The following UCK2 variants were observed in gnomAD, a reference collection of about 807,000 sequenced individuals.
UCK2 encodes the protein uridine-cytidine kinase 2.
A neutral mutation model predicts 30.8 loss-of-function variants in UCK2; 6 were observed. That is an observed-to-expected ratio of 0.19 (90% confidence interval 0.11 to 0.38). UCK2 has a LOEUF of 0.38. UCK2 is among the 10% of genes least tolerant of loss of function. The pLI, the probability that UCK2 is intolerant of heterozygous loss-of-function variation, is 1.00. For synonymous variants in UCK2, 125 were observed against 133.6 expected (o/e 0.94, Z 0.45); for missense variants, 210 against 339.8 (o/e 0.62, Z 3.00).
At chr1:165,854,547 C>T (rs1654679676) in intron 1 of UCK2, among the ~76,000 whole-genome samples, 1 of 151,870 alleles carries the variant, frequency 6.6e-6, no homozygotes, top group South Asian at 2.1e-4. Flanking sequence ...CAGCCCCCAG[C>T]CCTGTCTTCT....
At chr1:165,842,583 A>G (rs1654356891) in intron 1 of UCK2, among the ~76,000 whole-genome samples, 2 of 152,068 alleles carry the variant, frequency 1.3e-5, no homozygotes, top group South Asian at 4.1e-4. Flanking sequence ...TGCTTTCTGA[A>G]TTTCTCTTGA....
chr1:165,865,287 T>A (rs1422804262), intron 1 of UCK2, among the ~76,000 whole-genome samples: 1 of 152,204 alleles, frequency 6.6e-6, no homozygotes, highest in East Asian at 1.9e-4. Flanking sequence ...GCTAGACATT[T>A]GTTATACTCC....
At chr1:165,907,651 A>C (rs1361324969) in intron 6 of UCK2, 33 bp from the exon 7 acceptor site, 1 of 1,610,370 alleles carries the variant, frequency 6.2e-7, no homozygotes, top group South Asian at 1.1e-5. Context: ...CCATGCCTGC[A>C]CCCGTAACGC....
chr1:165,841,135 A>G (rs1257650395), intron 1 of UCK2, among the ~76,000 whole-genome samples: 1 of 150,492 alleles, frequency 6.6e-6, no homozygotes, highest in East Asian at 1.9e-4. Flanking sequence ...ATATATATAA[A>G]ATGAATATAA....
At chr1:165,868,813 C>T (rs544106916) in intron 1 of UCK2, among the ~76,000 whole-genome samples, 4 of 152,158 alleles carry the variant, frequency 2.6e-5, no homozygotes, top group East Asian at 3.8e-4. Context: ...TTTTAATTGC[C>T]GTCATGAACT....
At chr1:165,828,044 G>A in intron 1 of UCK2, 112 bp downstream of exon 1, 2 of 789,216 alleles carry the variant, frequency 2.5e-6, no homozygotes, top group Non-Finnish European at 3.3e-6. Flanking sequence ...TGGCCCGCGC[G>A]CCTCCGCTCC....
chr1:165,834,787 G>A (rs918705364), intron 1 of UCK2, among the ~76,000 whole-genome samples: 1 of 152,100 alleles, frequency 6.6e-6, no homozygotes, highest in Non-Finnish European at 1.5e-5. Flanking sequence ...CAGGAAAAGT[G>A]TCAGTATTTC....
intron 4 of UCK2, among the ~76,000 whole-genome samples, chr1:165,897,309 G>A (rs908371015): frequency 1.3e-5 from 2 of 152,186 alleles, no homozygotes; most frequent in African/African-American, 4.8e-5. Flanking sequence ...CAAAGGAAAT[G>A]TAAGTGAAGC....
chr1:165,835,622 G>A (rs1339887436), intron 1 of UCK2, among the ~76,000 whole-genome samples: 1 of 152,068 alleles, frequency 6.6e-6, no homozygotes, highest in African/African-American at 2.4e-5. Context: ...TCTTTTAAAT[G>A]TATCTGATGG....
At chr1:165,835,472 A>C (rs1342728353) in intron 1 of UCK2, among the ~76,000 whole-genome samples, 1 of 152,034 alleles carries the variant, frequency 6.6e-6, no homozygotes, top group Non-Finnish European at 1.5e-5. Context: ...AGGTGCTGGG[A>C]CTACAGGCAA....
intron 1 of UCK2, among the ~76,000 whole-genome samples, chr1:165,844,871 A>G (rs1204584429): frequency 6.6e-6 from 1 of 152,186 alleles, no homozygotes; most frequent in East Asian, 1.9e-4. Context: ...CCCTTCCCAC[A>G]TGCCTCACCC....
chr1:165,869,429 T>A (rs530637964), intron 1 of UCK2, among the ~76,000 whole-genome samples: 5 of 152,222 alleles, frequency 3.3e-5, no homozygotes, highest in African/African-American at 9.6e-5. Context: ...TAAGTTCTTT[T>A]GGGTACATCC....
chr1:165,838,415 C>G (rs1223635910), intron 1 of UCK2, among the ~76,000 whole-genome samples: 1 of 152,220 alleles, frequency 6.6e-6, no homozygotes. Flanking sequence ...GCCAGGGCAT[C>G]TCTTGATATC....
At chr1:165,907,502 G>T (rs1204966813) in intron 6 of UCK2, among the ~76,000 whole-genome samples, 182 bp from the exon 7 acceptor site, 1 of 152,188 alleles carries the variant, frequency 6.6e-6, no homozygotes, top group Non-Finnish European at 1.5e-5. Context: ...TGAAGGAGGA[G>T]GATCATATTA....
chr1:165,902,962 T>G, intron 4 of UCK2: 1 of 390,706 alleles, frequency 2.6e-6, no homozygotes, highest in Non-Finnish European at 4.6e-6. Flanking sequence ...TCAAAGAGCA[T>G]TGTGTCATTG....
At chr1:165,835,936 C>T (rs1263076359) in intron 1 of UCK2, among the ~76,000 whole-genome samples, 2 of 152,076 alleles carry the variant, frequency 1.3e-5, no homozygotes, top group Middle Eastern at 3.2e-3. Context: ...TTCATCAAAA[C>T]AAATGGATAC....
At chr1:165,865,396 C>T (rs1278141433) in intron 1 of UCK2, among the ~76,000 whole-genome samples, 1 of 152,106 alleles carries the variant, frequency 6.6e-6, no homozygotes, top group East Asian at 1.9e-4. Context: ...TACTGAAAGG[C>T]CCTCCACCCC....
chr1:165,885,932 C>T (rs546499859), intron 1 of UCK2, among the ~76,000 whole-genome samples: 70 of 152,218 alleles, frequency 4.6e-4, no homozygotes, highest in Non-Finnish European at 8.5e-4. Context: ...AATTTACCAT[C>T]GTAACCGTCT....
intron 1 of UCK2, among the ~76,000 whole-genome samples, chr1:165,887,732 T>TA (rs1655654036): frequency 6.6e-6 from 1 of 151,652 alleles, no homozygotes; most frequent in Non-Finnish European, 1.5e-5. Flanking sequence ...TACAGGTGTT[T>TA]AAAAACCTAT....
Sources: allele counts gnomAD v4.1 joint callset (sites outside exome capture counted in the v4.1 genomes callset), GRCh38; gene constraint gnomAD v4.1.1; transcripts MANE v1.5; gene names NCBI Gene and HGNC (gene_info 2026-07-23, HGNC 2026-07-21).